Variants in ATP10A observed in about 807,000 individuals in gnomAD.
The protein encoded by ATP10A is ATPase phospholipid transporting 10A (putative).
ATP10A carries 111 observed loss-of-function variants against 147.8 expected under a neutral mutation model. The ratio of observed to expected loss-of-function variants is 0.75; its 90% CI spans 0.64 to 0.88. The LOEUF (loss-of-function observed/expected upper bound fraction) is 0.88, where lower values mean the gene tolerates loss of function less well. ATP10A is among the 40% of genes least tolerant of loss of function. The pLI is 0.00. For missense variants in ATP10A, 1,927 were observed against 1,959.0 expected (o/e 0.98, Z 0.31); for synonymous variants, 875 against 841.6 (o/e 1.04, Z -0.69).
At chr15:25,712,454 T>TA (rs1019162370) in intron 10 of ATP10A, among the ~76,000 whole-genome samples, 1 of 152,186 alleles carries the variant, frequency 6.6e-6, no homozygotes, top group African/African-American at 2.4e-5. Flanking sequence ...GCCTTCCCCT[T>TA]AGACATCACC....
rs1899261420 is a variant in ATP10A at position 25,679,584 on chromosome 15, G to A, written c.4257C>T (p.Ser1419=). The A allele has an allele frequency of 1.9e-6, 3 of 1,610,426 alleles. No individual in the cohort carries two copies. Among genetic ancestry groups the A allele is most frequent in the Non-Finnish European group, 2.5e-6 (3 of 1,177,424 alleles). ...CPEESKVRAA[S]TGRVTPLSSL... Reference sequence around the variant, plus strand: ...AAGACAGGGGGGTCACCCTGCCGGTGCTGGCAGCTCTCACCTTGGACTCCT... The same window carrying A: ...AAGACAGGGGGGTCACCCTGCCGGTACTGGCAGCTCTCACCTTGGACTCCT... Residue 1419 remains serine (S), a synonymous_variant, in exon 21 of 21, where the codon AGC becomes AGT. Transcript: ENST00000555815.
chr15:25,832,256 A>T (rs189963327), intron 1 of ATP10A, among the ~76,000 whole-genome samples: 187 of 152,366 alleles, frequency 1.2e-3, no homozygotes, highest in Admixed American at 3.4e-3. Context: ...TTGAAGCCTC[A>T]GAACTGTAAG....
chr15:25,758,870 G>A (rs1027247446), intron 2 of ATP10A, among the ~76,000 whole-genome samples: 20 of 146,052 alleles, frequency 1.4e-4, no homozygotes, highest in African/African-American at 2.9e-4. Flanking sequence ...CCCTCATTCC[G>A]ACCACCTGCT....
At chr15:25,764,279 CAGG>C (rs750946986) in intron 2 of ATP10A, among the ~76,000 whole-genome samples, 1 of 152,168 alleles carries the variant, frequency 6.6e-6, no homozygotes, top group Non-Finnish European at 1.5e-5. Context: ...CGCGGGCTTC[CAGG>C]ACTCAGGATG....
At chr15:25,764,825 C>T (rs547746447) in intron 2 of ATP10A, among the ~76,000 whole-genome samples, 3 of 152,306 alleles carry the variant, frequency 2.0e-5, no homozygotes, top group African/African-American at 4.8e-5. Flanking sequence ...GCTCTACCTT[C>T]GGGTTTAGGA....
intron 2 of ATP10A, among the ~76,000 whole-genome samples, chr15:25,756,186 T>A (rs1177115849): frequency 6.6e-6 from 1 of 152,216 alleles, no homozygotes; most frequent in African/African-American, 2.4e-5. Flanking sequence ...ATGGAACAGG[T>A]AAGCAGAAGA....
chr15:25,839,297 C>A (rs1892712700), intron 1 of ATP10A, among the ~76,000 whole-genome samples: 1 of 152,144 alleles, frequency 6.6e-6, no homozygotes, highest in South Asian at 2.1e-4. Context: ...AAATAAAGTA[C>A]TTTTGGTATT....
intron 1 of ATP10A, among the ~76,000 whole-genome samples, chr15:25,844,177 G>C (rs1328607853): frequency 6.6e-6 from 1 of 152,202 alleles, no homozygotes; most frequent in East Asian, 1.9e-4. Flanking sequence ...TTATTTACAA[G>C]GGGTATGTGT....
intron 3 of ATP10A, among the ~76,000 whole-genome samples, chr15:25,727,756 A>C (rs1902670739): frequency 6.6e-6 from 1 of 152,280 alleles, no homozygotes; most frequent in Non-Finnish European, 1.5e-5. Context: ...TAAAGTTATT[A>C]GAAGTATTAA....
At chr15:25,700,979 C>T (rs1278464727) in intron 13 of ATP10A, among the ~76,000 whole-genome samples, 1 of 150,828 alleles carries the variant, frequency 6.6e-6, no homozygotes, top group African/African-American at 2.4e-5. Flanking sequence ...GCAGGGTGAC[C>T]TTGCATAGAT....
At chr15:25,741,378 C>T (rs1453244145) in intron 2 of ATP10A, among the ~76,000 whole-genome samples, 3 of 152,338 alleles carry the variant, frequency 2.0e-5, no homozygotes, top group Non-Finnish European at 1.5e-5. Context: ...GCTGAGGCGT[C>T]TCTGTGGTTC....
chr15:25,729,732 G>A (rs994061622), intron 3 of ATP10A, among the ~76,000 whole-genome samples: 3 of 152,114 alleles, frequency 2.0e-5, no homozygotes, highest in Admixed American at 1.3e-4. Flanking sequence ...CCGGCCTTCC[G>A]GCCTGGGCTC....
Position 25,724,746 on chromosome 15 carries a change from C to G in ATP10A, c.980-725G>C, listed in dbSNP as rs1266091509. ...ACTGATACTTCTTCCCCTGGAATTA[C>G]CACCACCGCTGTGATGAAAGCATTC... On this transcript the variant is annotated intron_variant, in intron 5 of 20. Coordinates refer to ENST00000555815, the MANE Select transcript of ATP10A (RefSeq NM_024490.4). 2.0e-5 allele frequency among the ~76,000 whole-genome samples: 3 copies of G among 152,222 alleles called. No homozygotes were observed. The East Asian group carries it at 5.8e-4, about 29-fold the overall frequency.
chr15:25,767,513 A>G (rs1055795275), intron 2 of ATP10A, among the ~76,000 whole-genome samples: 1 of 152,224 alleles, frequency 6.6e-6, no homozygotes, highest in African/African-American at 2.4e-5. Flanking sequence ...GGGTGAGCCC[A>G]TTGACCTGTC....
intron 2 of ATP10A, among the ~76,000 whole-genome samples, chr15:25,752,263 C>G (rs1345966488): frequency 1.3e-5 from 2 of 152,216 alleles, no homozygotes; most frequent in African/African-American, 4.8e-5. Context: ...AAGTGTCCAT[C>G]AACAGATGAA....
chr15:25,775,746 G>A (rs992633341), intron 2 of ATP10A, among the ~76,000 whole-genome samples: 5 of 152,216 alleles, frequency 3.3e-5, no homozygotes, highest in African/African-American at 1.2e-4. Context: ...GAGACAAACT[G>A]TTGGAAACTA....
intron 1 of ATP10A, among the ~76,000 whole-genome samples, chr15:25,794,918 AG>A (rs1037976190): frequency 3.0e-4 from 46 of 152,202 alleles, no homozygotes; most frequent in African/African-American, 1.1e-3. Context: ...CAGGATGAAG[AG>A]GGGGTTGAGT....
At chr15:25,747,368 G>A (rs1336626668) in intron 2 of ATP10A, among the ~76,000 whole-genome samples, 1 of 151,188 alleles carries the variant, frequency 6.6e-6, no homozygotes, top group Non-Finnish European at 1.5e-5. Context: ...TGCTTTCGGG[G>A]AAATTAATAG....
rs758933036 is a variant in ATP10A at position 25,862,785 on chromosome 15, G to A, written c.312C>T (p.Asn104=). Residue 104 remains asparagine, a synonymous_variant, in exon 1 of 21, where the codon AAC becomes AAT. Coordinates refer to ENST00000555815, the MANE Select transcript of ATP10A (RefSeq NM_024490.4). ...IALLNFVPAV[N]AFQPGLALAP... ...CCAGTGCCAGGCCGGGCTGGAAGGC[G>A]TTCACCGCCGGCACGAAGTTGAGCA... The A allele has an allele frequency of 2.5e-6, 4 of 1,610,252 alleles. No homozygotes were observed. Among genetic ancestry groups the A allele is most frequent in the African/African-American group, 1.3e-5 (1 of 74,956 alleles).
Sources: gnomAD v4.1 joint callset for allele counts (sites outside exome capture counted in the v4.1 genomes callset) on GRCh38, gnomAD v4.1.1 for gene constraint, MANE v1.5 for transcripts, NCBI Gene and HGNC (gene_info 2026-07-23, HGNC 2026-07-21) for gene names.